Variants in IDS observed in about 807,000 individuals in gnomAD.
IDS encodes alpha-L-iduronate sulfate sulfatase.
Under a neutral mutation model 33.5 loss-of-function variants are expected in IDS, and 1 was observed. The observed-to-expected ratio is 0.03, with a 90% CI of 0.01 to 0.14. The LOEUF (loss-of-function observed/expected upper bound fraction) is 0.14, where lower values mean the gene tolerates loss of function less well. Ranked by LOEUF, IDS falls within the 10% of genes least tolerant of loss-of-function variation. IDS has a pLI of 1.00. For missense variants in IDS, 328 were observed against 448.0 expected, an observed-to-expected ratio of 0.73 and a Z score of 2.42; for synonymous variants, 191 against 184.4, an observed-to-expected ratio of 1.04 and a Z score of -0.29.
chrX:149,503,519 T>A (rs1557340293), intron 2 of IDS, 30 bp from the exon 3 acceptor site: 25 of 1,033,878 alleles, frequency 2.4e-5, no homozygotes, highest in Non-Finnish European at 3.1e-5. Context: ...GAGGTAAGCA[T>A]CGCCACAGCA....
At chrX:149,487,667 C>T in intron 7 of IDS, among the ~76,000 whole-genome samples, 1 of 112,711 alleles carries the variant, frequency 8.9e-6, no homozygotes, top group East Asian at 2.8e-4. Flanking sequence ...CAAAACCTCT[C>T]ATTTCAGATC....
intron 3 of IDS, among the ~76,000 whole-genome samples, chrX:149,501,729 T>C (rs1362606095): frequency 9.0e-6 from 1 of 110,873 alleles, no homozygotes; most frequent in Non-Finnish European, 1.9e-5. Context: ...AGTGGTTAGC[T>C]GGGAGTGGAG....
At chrX:149,486,611 G>A (rs782815873) in intron 8 of IDS, among the ~76,000 whole-genome samples, 1 of 112,134 alleles carries the variant, frequency 8.9e-6, no homozygotes, top group South Asian at 3.7e-4. Context: ...TCTGGAGCAG[G>A]CTCTTGTAGA....
At chrX:149,499,220 G>A (rs1396065347) in intron 4 of IDS, 1 of 110,303 alleles carries the variant, frequency 9.1e-6, no homozygotes, top group Admixed American at 9.6e-5. Flanking sequence ...TGGGTGTGGT[G>A]GTGGGCACCT....
chrX:149,496,317 A>C, intron 6 of IDS, 29 bp downstream of exon 6: 1 of 1,191,873 alleles, frequency 8.4e-7, no homozygotes, highest in Non-Finnish European at 1.1e-6. Context: ...ATCAGTGTCC[A>C]ATACATCCCC....
At chrX:149,487,191 A>G in intron 7 of IDS, 93 bp from the exon 8 acceptor site, 1 of 1,207,053 alleles carries the variant, frequency 8.3e-7, no homozygotes. Flanking sequence ...CTGTTGTAAA[A>G]ACCAGAGGAA....
chrX:149,483,283 G>T, intron 8 of IDS, 65 bp from the exon 9 acceptor site: 1 of 864,532 alleles, frequency 1.2e-6, no homozygotes, highest in Non-Finnish European at 1.7e-6. Flanking sequence ...CCAGGCAGGA[G>T]CAGTAAAGGA....
At chrX:149,491,158 T>C (rs1557338685) in intron 6 of IDS, among the ~76,000 whole-genome samples, 1 of 112,512 alleles carries the variant, frequency 8.9e-6, no homozygotes, top group African/African-American at 3.2e-5. Context: ...CTCTGATCAC[T>C]TGCTAACCCA....
chrX:149,489,899 G>A (rs782339794), intron 7 of IDS, among the ~76,000 whole-genome samples: 2 of 110,715 alleles, frequency 1.8e-5, no homozygotes, highest in South Asian at 3.9e-4. Context: ...AGAAGACAGC[G>A]GGGATAGGGG....
chrX:149,502,951 C>T (rs2124061563), intron 3 of IDS: 1 of 417,604 alleles, frequency 2.4e-6, no homozygotes, highest in East Asian at 4.1e-5. Context: ...GTGTCCTCAC[C>T]CCACCCCTAG....
At chrX:149,501,127 G>A (rs2089477303) in intron 3 of IDS, 90 bp from the exon 4 acceptor site, 2 of 584,718 alleles carry the variant, frequency 3.4e-6, no homozygotes, top group Middle Eastern at 6.2e-4. Context: ...ATGGGCAAGT[G>A]GAACCTCCCT....
chrX:149,480,352 G>A lies in IDS; in HGVS notation c.*2394C>T. On this transcript the variant is annotated 3_prime_UTR_variant, in exon 9 of 9. Transcript: ENST00000340855. ...GGGGAGGAAGGGGCTGATTGCCTTT[G>A]TGACCTCACTACCAAACATACTTTG... 3.4e-6 allele frequency: 1 copy of A among 297,635 alleles called. No individual in the cohort carries two copies. Among genetic ancestry groups the A allele is most frequent in the East Asian group, 4.7e-5 (1 of 21,091 alleles). 24.5% of individuals were successfully genotyped at this position (297,635 alleles called of 1,213,427 possible).
rs1336578359 is a variant in IDS, at chrX:149,480,558, G to A, written c.*2188C>T. 2.8e-5 allele frequency: 8 copies of A among 290,553 alleles called. No individual in the cohort carries two copies. Among genetic ancestry groups the A allele is most frequent in the Non-Finnish European group, 4.2e-5 (7 of 166,719 alleles). 23.9% of individuals were successfully genotyped at this position (290,553 alleles called of 1,213,427 possible). A position where few individuals can be genotyped will look rare whatever the true frequency, so the allele number is the denominator to read the frequency against. On this transcript the variant is annotated 3_prime_UTR_variant, in exon 9 of 9. Transcript: ENST00000340855. ...TACAATGGCACGATCTTCATTCACTGAAACCTCCGTCTCCTGGTTCAAGCG... is the reference window on the plus strand; with the variant it reads ...TACAATGGCACGATCTTCATTCACTAAAACCTCCGTCTCCTGGTTCAAGCG...
chrX:149,487,343 C>T lies in IDS; in HGVS notation c.1007-245G>A, dbSNP rs1452094384. ...AAAAAAGAAAAAATAATTAAATTCC[C>T]AAACTCAAATATCTTAACAAACTAC... On this transcript the variant is annotated intron_variant, in intron 7 of 8. Transcript: ENST00000340855. The T allele has an allele frequency of 5.6e-6, 6 of 1,076,256 alleles. No individual in the cohort carries two copies. In the East Asian group the frequency reaches 1.2e-4, roughly 22 times the overall value. 88.7% of individuals were successfully genotyped at this position (1,076,256 alleles called of 1,213,427 possible).
In IDS at chrX:149,496,492, C is replaced by T. The variant is rs139601606; in HGVS notation, c.733G>A (p.Glu245Lys). 2 of 1,209,619 alleles carry T rather than the reference C, an allele frequency of 1.7e-6. No homozygotes were observed. The highest frequency in any genetic ancestry group is 3.5e-5 in the African/African-American group (2 of 57,091). The change falls in exon 6 of 9, where the codon GAG (glutamate) becomes AAG (lysine). Residue 245 changes from glutamate to lysine, a missense_variant. This residue lies in a region of IDS where 265 missense variants were observed against 339.2 expected (regional missense o/e 0.78). Coordinates refer to ENST00000340855, the MANE Select transcript of IDS (RefSeq NM_000202.8). Reference sequence around the variant, plus strand: ...GGATCGGGGGCCAGGGTGATGTTCTCCAAGGGATACAACTTCTGAAATTCC... The same window carrying T: ...GGATCGGGGGCCAGGGTGATGTTCTTCAAGGGATACAACTTCTGAAATTCC... ...PKEFQKLYPL[E>K]NITLAPDPEV...
At position 149,486,945 on chromosome X, in the gene IDS, G is replaced by A; in HGVS notation, c.1160C>T (p.Ala387Val). The A allele has an allele frequency of 5.8e-6, 7 of 1,211,662 alleles. No homozygotes were observed. Among genetic ancestry groups the A allele is most frequent in the Non-Finnish European group, 5.6e-6 (5 of 895,286 alleles). ...LFPYLDPFDS[A>V]SQLMEPGRQS... ...TATACCTGGCTCCATCAACTGTGAG[G>A]CGGAATCAAAAGGGTCGAGGTAAGG... The change falls in exon 8 of 9, where the codon GCC becomes GTC. Residue 387 changes from alanine to valine, a missense_variant. Physicochemically the swap from Ala to Val is moderately conservative, Grantham distance 64 (BLOSUM62 0). Coordinates refer to ENST00000340855, the MANE Select transcript of IDS (RefSeq NM_000202.8).
rs981772337 is a variant in IDS, at chrX:149,478,294, G to A, written c.*4452C>T. 1.5e-4 allele frequency: 17 copies of A among 112,161 alleles called. No homozygotes were observed. Among genetic ancestry groups the A allele is most frequent in the African/African-American group, 5.5e-4 (17 of 30,795 alleles). The allele number at this position is 112,161 out of a possible 1,213,427, so 9.2% of individuals were successfully genotyped here. ...CCAAAACAATTAAGAGCAGGGACTCGAACAGATATTTGTACATCCTTGTTG... is the reference window on the plus strand; with the variant it reads ...CCAAAACAATTAAGAGCAGGGACTCAAACAGATATTTGTACATCCTTGTTG... On this transcript the variant is annotated 3_prime_UTR_variant, in exon 9 of 9. Coordinates refer to ENST00000340855, the MANE Select transcript of IDS (RefSeq NM_000202.8).
At chrX:149,485,960 C>T (rs782301376) in intron 8 of IDS, among the ~76,000 whole-genome samples, 34 of 112,078 alleles carry the variant, frequency 3.0e-4, no homozygotes, top group Non-Finnish European at 4.3e-4. Flanking sequence ...AAACAGGAAT[C>T]AATATACAGT....
intron 8 of IDS, among the ~76,000 whole-genome samples, chrX:149,483,620 G>C (rs2089311304): frequency 8.9e-6 from 1 of 112,126 alleles, no homozygotes; most frequent in Non-Finnish European, 1.9e-5. Flanking sequence ...CTGCATTAGA[G>C]TTATCTTTGC....
Sources: allele counts gnomAD v4.1 joint callset (sites outside exome capture counted in the v4.1 genomes callset), GRCh38; gene constraint gnomAD v4.1.1; regional missense constraint gnomAD v4.1.1; transcripts MANE v1.5; gene names NCBI Gene and HGNC (gene_info 2026-07-23, HGNC 2026-07-21).